The following CYP19A1 variants were observed in gnomAD, a reference collection of about 807,000 sequenced individuals.
CYP19A1 encodes aromatase.
Under a neutral mutation model 44.4 loss-of-function variants are expected in CYP19A1, and 32 were observed. The ratio of observed to expected loss-of-function variants is 0.72; its 90% confidence interval spans 0.54 to 0.97. The LOEUF is 0.97. CYP19A1 is among the 50% of genes least tolerant of loss of function. CYP19A1 has a pLI of 0.00. For missense variants in CYP19A1, 598 were observed against 637.8 expected (o/e 0.94, Z 0.67); for synonymous variants, 212 against 215.6 (o/e 0.98, Z 0.14).
At chr15:51,321,961 A>G (rs1261891909) in intron 1 of CYP19A1, 1 of 152,124 alleles carries the variant, frequency 6.6e-6, no homozygotes, top group African/African-American at 2.4e-5. Context: ...AAAAAAAAAA[A>G]ACATAATAAA....
intron 1 of CYP19A1, among the ~76,000 whole-genome samples, chr15:51,324,757 C>G (rs774738520): frequency 6.6e-6 from 1 of 152,174 alleles, no homozygotes; most frequent in Non-Finnish European, 1.5e-5. Flanking sequence ...TAAATGTTAA[C>G]AGGAAATCCT....
chr15:51,327,584 C>G (rs185137630), intron 1 of CYP19A1, among the ~76,000 whole-genome samples: 59 of 151,802 alleles, frequency 3.9e-4, no homozygotes, highest in Admixed American at 8.5e-4. Flanking sequence ...GGGGTTCAAG[C>G]GATTCTCAAG....
intron 1 of CYP19A1, among the ~76,000 whole-genome samples, chr15:51,271,509 AT>A (rs912796268): frequency 1.3e-5 from 2 of 152,192 alleles, no homozygotes; most frequent in African/African-American, 4.8e-5. Flanking sequence ...TCTCCAAGGA[AT>A]ACTCTCACTT....
intron 1 of CYP19A1, chr15:51,321,904 C>T (rs1403204073): frequency 6.6e-6 from 1 of 151,914 alleles, no homozygotes; most frequent in African/African-American, 2.4e-5. Context: ...GAAGAGAAAC[C>T]CATCAACATC....
At chr15:51,300,180 T>C (rs975299806) in intron 1 of CYP19A1, among the ~76,000 whole-genome samples, 2 of 152,194 alleles carry the variant, frequency 1.3e-5, no homozygotes, top group East Asian at 1.9e-4. Flanking sequence ...ATTTTCTTCA[T>C]AGAAATCCAT....
chr15:51,257,790 C>A (rs1219903216), intron 1 of CYP19A1, among the ~76,000 whole-genome samples: 6 of 152,178 alleles, frequency 3.9e-5, no homozygotes, highest in Non-Finnish European at 8.8e-5. Context: ...TTCAAGGTGG[C>A]CTGTGGAACA....
At chr15:51,253,131 A>G (rs2034386776) in intron 1 of CYP19A1, among the ~76,000 whole-genome samples, 1 of 152,040 alleles carries the variant, frequency 6.6e-6, no homozygotes, top group African/African-American at 2.4e-5. Context: ...CTAGATCTCT[A>G]CCTTAGTTTC....
chr15:51,229,103 G>A (rs2032820954), intron 3 of CYP19A1, among the ~76,000 whole-genome samples: 1 of 152,174 alleles, frequency 6.6e-6, no homozygotes, highest in South Asian at 2.1e-4. Flanking sequence ...AATGTATTAG[G>A]TTGTGGGCTA....
chr15:51,270,630 T>A (rs994585812), intron 1 of CYP19A1, among the ~76,000 whole-genome samples: 1 of 152,206 alleles, frequency 6.6e-6, no homozygotes, highest in African/African-American at 2.4e-5. Context: ...AGGAAACCAC[T>A]GTGTGAGATA....
intron 1 of CYP19A1, among the ~76,000 whole-genome samples, chr15:51,268,868 T>C (rs1368791912): frequency 6.6e-6 from 1 of 152,196 alleles, no homozygotes; most frequent in African/African-American, 2.4e-5. Context: ...TTATGAAGCA[T>C]CTGGCCAAAT....
Position 51,278,186 on chromosome 15 carries a change from A to T in CYP19A1, c.-38-35236T>A, listed in dbSNP as rs555772657. On this transcript the variant is annotated intron_variant, in intron 1 of 9. Transcript: ENST00000396402. ...TGCTTAGAGACCAAACCATTAAAAA[A>T]ATATATATGTCAGGGGCCAACATAA... is the stretch of plus-strand genomic sequence containing the variant. 6.6e-5 allele frequency: 10 copies of T among 152,288 alleles called. No individual in the cohort carries two copies. In the South Asian group the frequency reaches 1.0e-3, roughly 16 times the overall value. The allele number at this position is 152,288 out of a possible 1,614,324, so 9.4% of individuals were successfully genotyped here. A position where few individuals can be genotyped will look rare whatever the true frequency, so the allele number is the denominator to read the frequency against.
At chr15:51,301,374 C>T (rs956296306) in intron 1 of CYP19A1, among the ~76,000 whole-genome samples, 1 of 152,238 alleles carries the variant, frequency 6.6e-6, no homozygotes, top group Non-Finnish European at 1.5e-5. Flanking sequence ...TCAATTTAGC[C>T]TTTCTGGTCC....
intron 7 of CYP19A1, 58 bp from the exon 8 acceptor site, chr15:51,215,290 AG>A: frequency 1.2e-6 from 2 of 1,612,054 alleles, no homozygotes; most frequent in South Asian, 2.2e-5. Flanking sequence ...TCAAAAAATG[AG>A]GGGAGGTGAC....
At chr15:51,235,024 G>A (rs916830531) in intron 3 of CYP19A1, among the ~76,000 whole-genome samples, 1 of 152,108 alleles carries the variant, frequency 6.6e-6, no homozygotes, top group African/African-American at 2.4e-5. Flanking sequence ...TGAAAGGCAG[G>A]TGGCTGTGCG....
rs765243938 is a variant in CYP19A1, at chr15:51,227,881, C to T, written c.349G>A (p.Gly117Ser). ...ATGCACTGCAGCCCAAGTTTGCTGCCGAATCGAGAGCTGTAATGATTGTGC... is the reference window on the plus strand; with the variant it reads ...ATGCACTGCAGCCCAAGTTTGCTGCTGAATCGAGAGCTGTAATGATTGTGC... ...MKHNHYSSRF[G>S]SKLGLQCIGM... Residue 117 changes from glycine (G) to serine (S), a missense_variant, in exon 4 of 10, where the codon GGC (glycine) becomes AGC (serine). Coordinates refer to ENST00000396402, the MANE Select transcript of CYP19A1 (RefSeq NM_000103.4). The T allele has an allele frequency of 8.9e-6, 14 of 1,577,504 alleles. No individual in the cohort carries two copies. Among genetic ancestry groups the T allele is most frequent in the Admixed American group, 3.3e-5 (2 of 59,912 alleles).
intron 1 of CYP19A1, among the ~76,000 whole-genome samples, chr15:51,247,527 T>C (rs1000233502): frequency 6.6e-5 from 10 of 152,142 alleles, no homozygotes; most frequent in Admixed American, 4.6e-4. Flanking sequence ...TGGCATGCAG[T>C]GGTGACACAA....
At chr15:51,243,000 A>C in intron 1 of CYP19A1, 50 bp from the exon 2 acceptor site, 1 of 900,162 alleles carries the variant, frequency 1.1e-6, no homozygotes, top group Non-Finnish European at 1.9e-6. Context: ...TAAAAGGTTC[A>C]TCTATAGCTC....
intron 1 of CYP19A1, among the ~76,000 whole-genome samples, chr15:51,305,510 C>T (rs1295758528): frequency 6.6e-6 from 1 of 151,908 alleles, no homozygotes; most frequent in South Asian, 2.1e-4. Flanking sequence ...CTAGTGAGAC[C>T]CTGAGCAGAG....
At chr15:51,307,151 A>G (rs1193697581) in intron 1 of CYP19A1, among the ~76,000 whole-genome samples, 4 of 152,226 alleles carry the variant, frequency 2.6e-5, no homozygotes, top group African/African-American at 9.6e-5. Flanking sequence ...CAAACGTGCC[A>G]TGAAGATCCA....
Sources: allele counts gnomAD v4.1 joint callset (sites outside exome capture counted in the v4.1 genomes callset), GRCh38; gene constraint gnomAD v4.1.1; transcripts MANE v1.5; gene names NCBI Gene and HGNC (gene_info 2026-07-23, HGNC 2026-07-21).